The following COL5A1 variants were observed in gnomAD, a reference collection of about 807,000 sequenced individuals.
COL5A1 encodes the protein collagen type V alpha 1 chain.
COL5A1 carries 16 observed loss-of-function variants against 263.7 expected under a neutral mutation model. That is an observed-to-expected ratio of 0.06 (90% CI 0.04 to 0.09). COL5A1 has a LOEUF of 0.09. COL5A1 is among the 10% of genes least tolerant of loss of function. COL5A1 has a pLI of 1.00. For synonymous variants in COL5A1, 1,012 were observed against 1,004.5 expected, an observed-to-expected ratio of 1.01 and a Z score of -0.14; for missense variants, 2,036 against 2,540.5, an observed-to-expected ratio of 0.80 and a Z score of 4.27.
intron 4 of COL5A1, among the ~76,000 whole-genome samples, chr9:134,708,208 C>T (rs1833904991): frequency 6.6e-6 from 1 of 152,168 alleles, no homozygotes; most frequent in South Asian, 2.1e-4. Context: ...TGCACCTGGG[C>T]AGGGCAGGGC....
intron 9 of COL5A1, among the ~76,000 whole-genome samples, chr9:134,736,526 A>G (rs1192758444): frequency 6.6e-5 from 10 of 152,150 alleles, no homozygotes. Context: ...ACCTCTCAAC[A>G]CGGTTGCATT....
At chr9:134,784,853 G>A (rs1176461902) in intron 29 of COL5A1, 136 bp from the exon 30 acceptor site, 5 of 718,536 alleles carry the variant, frequency 7.0e-6, no homozygotes, top group African/African-American at 3.5e-5. Context: ...TGGTCTGAGT[G>A]AGGCCGAGCT....
chr9:134,723,847 A>G (rs1339972690), intron 4 of COL5A1, among the ~76,000 whole-genome samples: 1 of 152,156 alleles, frequency 6.6e-6, no homozygotes, highest in African/African-American at 2.4e-5. Flanking sequence ...ACCACCTGGC[A>G]GAGCTGCTGC....
intron 63 of COL5A1, among the ~76,000 whole-genome samples, chr9:134,826,485 G>C (rs1366754252): frequency 6.6e-6 from 1 of 152,208 alleles, no homozygotes; most frequent in African/African-American, 2.4e-5. Context: ...CAGCGCTGTA[G>C]CAGGAGTTTG....
At chr9:134,814,772 C>G (rs1838675428) in intron 49 of COL5A1, 25 bp from the exon 50 acceptor site, 1 of 1,533,952 alleles carries the variant, frequency 6.5e-7, no homozygotes. Flanking sequence ...GCTCTGAGGA[C>G]TTGACACTGG....
At chr9:134,782,787 T>A in intron 29 of COL5A1, 67 bp downstream of exon 29, 1 of 917,526 alleles carries the variant, frequency 1.1e-6, no homozygotes, top group Non-Finnish European at 1.7e-6. Flanking sequence ...TGGGAGGGGG[T>A]GGGGATGTTT....
At chr9:134,826,910 G>A (rs889630656) in intron 63 of COL5A1, among the ~76,000 whole-genome samples, 2 of 152,050 alleles carry the variant, frequency 1.3e-5, no homozygotes, top group Admixed American at 6.5e-5. Context: ...GCATGTAGAC[G>A]GGCGTGTGTT....
chr9:134,699,623 G>A (rs1833599359), intron 2 of COL5A1, among the ~76,000 whole-genome samples: 1 of 152,232 alleles, frequency 6.6e-6, no homozygotes, highest in Non-Finnish European at 1.5e-5. Flanking sequence ...AGGCGCAGGA[G>A]CTGAGGGCAG....
intron 64 of COL5A1, among the ~76,000 whole-genome samples, chr9:134,831,429 G>A (rs1002692848): frequency 7.2e-5 from 11 of 152,158 alleles, no homozygotes; most frequent in African/African-American, 2.4e-4. Flanking sequence ...CCTTTTCCCC[G>A]CCTCCTCTGT....
chr9:134,825,871 G>A lies in COL5A1; in HGVS notation c.5034G>A (p.Ser1678=), dbSNP rs148006741. 284 of 1,612,834 alleles carry A rather than the reference G, an allele frequency of 1.8e-4. No individual in the cohort carries two copies. Among genetic ancestry groups the A allele is most frequent in the South Asian group, 2.4e-4 (22 of 90,982 alleles). ...ACTGCAACTTCACAGCCGGGGGGTC[G>A]ACATGCGTCTTCCCTGACAAGAAGT... ...KVYCNFTAGG[S]TCVFPDKKSE... The change falls in exon 63 of 66, where the codon TCG becomes TCA. Residue 1678 remains serine, a synonymous_variant. Coordinates refer to ENST00000371817, the MANE Select transcript of COL5A1 (RefSeq NM_000093.5).
At chr9:134,830,309 A>T in intron 64 of COL5A1, 3 of 878,668 alleles carry the variant, frequency 3.4e-6, no homozygotes, top group Non-Finnish European at 3.6e-6. Flanking sequence ...ATCACGTGAC[A>T]GCAAGACTCA....
At chr9:134,805,936 C>A (rs779638232) in intron 41 of COL5A1, among the ~76,000 whole-genome samples, 2 of 152,124 alleles carry the variant, frequency 1.3e-5, no homozygotes, top group African/African-American at 4.8e-5. Flanking sequence ...GAAGAGGGAG[C>A]CCATTGAAGG....
chr9:134,760,754 C>CTT (rs1836376497), intron 18 of COL5A1, among the ~76,000 whole-genome samples: 2 of 138,192 alleles, frequency 1.4e-5, no homozygotes, highest in African/African-American at 5.8e-5. Context: ...GCACACACAC[C>CTT]CCACACATAC....
At chr9:134,748,236 C>T (rs1478838880) in intron 11 of COL5A1, among the ~76,000 whole-genome samples, 2 of 151,924 alleles carry the variant, frequency 1.3e-5, no homozygotes, top group Non-Finnish European at 2.9e-5. Context: ...CACACCCACA[C>T]ACATGCACAC....
chr9:134,835,650 G>A (rs753702559), intron 65 of COL5A1, among the ~76,000 whole-genome samples: 4 of 152,352 alleles, frequency 2.6e-5, no homozygotes, highest in East Asian at 1.9e-4. Flanking sequence ...CCAGCTCTCC[G>A]GACAGCCCGG....
At chr9:134,761,376 T>C (rs1366990394) in intron 18 of COL5A1, among the ~76,000 whole-genome samples, 1 of 152,214 alleles carries the variant, frequency 6.6e-6, no homozygotes, top group African/African-American at 2.4e-5. Context: ...CCCTCCATGA[T>C]GCCTTGAGAA....
At chr9:134,693,934 G>A (rs1445778472) in intron 2 of COL5A1, among the ~76,000 whole-genome samples, 1 of 152,218 alleles carries the variant, frequency 6.6e-6, no homozygotes, top group Non-Finnish European at 1.5e-5. Context: ...GCTGCACCAT[G>A]CCCTGTCTCG....
At chr9:134,762,704 G>T (rs1836502514) in intron 19 of COL5A1, among the ~76,000 whole-genome samples, 1 of 152,190 alleles carries the variant, frequency 6.6e-6, no homozygotes. Context: ...AGGAGCTCTG[G>T]AGGGTGAGAA....
chr9:134,822,068 G>T, intron 58 of COL5A1, 29 bp from the exon 59 acceptor site: 2 of 1,610,128 alleles, frequency 1.2e-6, no homozygotes, highest in Non-Finnish European at 1.7e-6. Flanking sequence ...GTCTGAAGGT[G>T]ATAACCTGCA....
Sources: gnomAD v4.1 joint callset for allele counts (sites outside exome capture counted in the v4.1 genomes callset) on GRCh38, gnomAD v4.1.1 for gene constraint, MANE v1.5 for transcripts, NCBI Gene and HGNC (gene_info 2026-07-23, HGNC 2026-07-21) for gene names.